The following BCAR3 variants were observed in gnomAD, a reference collection of about 807,000 sequenced individuals.
The protein encoded by BCAR3 is breast cancer anti-estrogen resistance protein 3.
Under a neutral mutation model 80.1 loss-of-function variants are expected in BCAR3, and 37 were observed. The observed-to-expected ratio is 0.46, with a 90% CI of 0.36 to 0.61. The LOEUF is 0.61. Ranked by LOEUF, BCAR3 falls within the 20% of genes least tolerant of loss-of-function variation. BCAR3 has a pLI of 0.00. For synonymous variants in BCAR3, 389 were observed against 418.9 expected, an observed-to-expected ratio of 0.93 and a Z score of 0.87; for missense variants, 978 against 1,068.2, an observed-to-expected ratio of 0.92 and a Z score of 1.18.
intron 2 of BCAR3, among the ~76,000 whole-genome samples, chr1:93,773,863 A>T (rs190924340): frequency 3.3e-4 from 50 of 152,230 alleles, no homozygotes; most frequent in African/African-American, 1.2e-3. Context: ...CTCATCCTGC[A>T]TCTCTTGTGT....
chr1:93,712,374 C>T (rs191206654), intron 2 of BCAR3, among the ~76,000 whole-genome samples: 123 of 152,290 alleles, frequency 8.1e-4, no homozygotes, highest in Non-Finnish European at 5.4e-4. Context: ...CACACATGGG[C>T]AGGAACACTG....
intron 2 of BCAR3, among the ~76,000 whole-genome samples, chr1:93,775,666 G>A (rs1652521025): frequency 6.6e-6 from 1 of 152,144 alleles, no homozygotes; most frequent in South Asian, 2.1e-4. Context: ...AAATAAATAC[G>A]ATTTTCCACA....
intron 5 of BCAR3, among the ~76,000 whole-genome samples, chr1:93,584,712 G>A (rs570978435): frequency 3.9e-5 from 6 of 152,308 alleles, no homozygotes; most frequent in Admixed American, 6.5e-5. Flanking sequence ...AAAAGGCACC[G>A]GCACGGTCAC....
chr1:93,578,245 C>T (rs546364901), intron 7 of BCAR3, among the ~76,000 whole-genome samples: 25 of 152,270 alleles, frequency 1.6e-4, no homozygotes, highest in African/African-American at 6.0e-4. Context: ...TCCTCCCAGC[C>T]GCAAGGGCCT....
chr1:93,669,138 C>T (rs148456448), intron 2 of BCAR3, among the ~76,000 whole-genome samples: 136 of 152,236 alleles, frequency 8.9e-4, no homozygotes, highest in African/African-American at 3.2e-3. Context: ...TGTGGACCTT[C>T]GCATCGTACA....
chr1:93,776,889 C>A (rs982244163), intron 2 of BCAR3, among the ~76,000 whole-genome samples: 3 of 152,132 alleles, frequency 2.0e-5, no homozygotes, highest in Non-Finnish European at 2.9e-5. Flanking sequence ...ATATGTTGAA[C>A]ATTTACCCAC....
chr1:93,650,114 G>A (rs1217092565), intron 2 of BCAR3, among the ~76,000 whole-genome samples: 1 of 152,080 alleles, frequency 6.6e-6, no homozygotes, highest in African/African-American at 2.4e-5. Context: ...GAGTAAGGGT[G>A]TGATGGCTCA....
At chr1:93,566,638 G>GC (rs1382430705) in intron 11 of BCAR3, among the ~76,000 whole-genome samples, 1 of 152,146 alleles carries the variant, frequency 6.6e-6, no homozygotes, top group Admixed American at 6.5e-5. Context: ...GAACAGGAAT[G>GC]CAGATAAATG....
At chr1:93,621,167 A>T (rs1429260915) in intron 3 of BCAR3, among the ~76,000 whole-genome samples, 1 of 152,268 alleles carries the variant, frequency 6.6e-6, no homozygotes. Flanking sequence ...GTTGTCAAGC[A>T]AATTCTAGCC....
intron 3 of BCAR3, among the ~76,000 whole-genome samples, chr1:93,692,512 C>T (rs79030466): frequency 2.0e-3 from 299 of 152,352 alleles, no homozygotes; most frequent in South Asian, 5.4e-3. Flanking sequence ...AAAAGCTATG[C>T]TTACCAGCCC....
chr1:93,638,931 T>A (rs1675890553), intron 3 of BCAR3, among the ~76,000 whole-genome samples: 1 of 152,152 alleles, frequency 6.6e-6, no homozygotes, highest in Admixed American at 6.5e-5. Flanking sequence ...AGTGCCAGAA[T>A]TAAAGAGACG....
At chr1:93,846,928 G>C (rs1387783091) in intron 1 of BCAR3, 1 of 416,840 alleles carries the variant, frequency 2.4e-6, no homozygotes, top group Non-Finnish European at 4.8e-6. Flanking sequence ...CCCGTTTTTC[G>C]AACCCCGCGC....
intron 3 of BCAR3, chr1:93,605,498 T>C (rs1674747652): frequency 1.3e-5 from 2 of 152,268 alleles, no homozygotes; most frequent in African/African-American, 4.8e-5. Context: ...AGTGCTTTCT[T>C]AACATCTTTA....
chr1:93,657,183 G>A (rs751210071), intron 2 of BCAR3, among the ~76,000 whole-genome samples: 9 of 152,132 alleles, frequency 5.9e-5, no homozygotes, highest in Non-Finnish European at 1.3e-4. Flanking sequence ...GGATTCTTAG[G>A]AGAAAAATTA....
chr1:93,623,084 C>G (rs1675361879), intron 3 of BCAR3, among the ~76,000 whole-genome samples: 2 of 152,164 alleles, frequency 1.3e-5, no homozygotes, highest in Non-Finnish European at 2.9e-5. Context: ...CATAACTTCT[C>G]TGTAACAGTA....
chr1:93,847,588 T>A (rs961580712), upstream of BCAR3: 1 of 152,318 alleles, frequency 6.6e-6, no homozygotes, highest in Non-Finnish European at 1.5e-5. Context: ...CGTGGCGCAA[T>A]GGATAGCGCA....
chr1:93,745,553 C>CT (rs1651324471), intron 2 of BCAR3, among the ~76,000 whole-genome samples: 1 of 152,174 alleles, frequency 6.6e-6, no homozygotes, highest in Admixed American at 6.5e-5. Context: ...TCCCCTCTAT[C>CT]ACCAGCACAA....
chr1:93,722,589 T>C (rs958065143), intron 2 of BCAR3, among the ~76,000 whole-genome samples: 1 of 152,142 alleles, frequency 6.6e-6, no homozygotes, highest in African/African-American at 2.4e-5. Context: ...TACAACTTGC[T>C]TTCACACGAG....
At chr1:93,694,037 G>C (rs1291928868) in intron 3 of BCAR3, among the ~76,000 whole-genome samples, 2 of 152,222 alleles carry the variant, frequency 1.3e-5, no homozygotes, top group East Asian at 1.9e-4. Flanking sequence ...GGTGCAAAGA[G>C]AGGCTAAGTT....
Sources: allele counts gnomAD v4.1 joint callset (sites outside exome capture counted in the v4.1 genomes callset), GRCh38; gene constraint gnomAD v4.1.1; transcripts MANE v1.5; gene names NCBI Gene and HGNC (gene_info 2026-07-23, HGNC 2026-07-21).